The following PCDH18 variants were observed in gnomAD, a reference collection of about 807,000 sequenced individuals.
The protein encoded by PCDH18 is protocadherin-18.
A neutral mutation model predicts 71.5 loss-of-function variants in PCDH18; 38 were observed. The ratio of observed to expected loss-of-function variants is 0.53; its 90% confidence interval spans 0.41 to 0.70. The LOEUF is 0.70. Among genes scored for constraint, PCDH18 ranks in the 30% least tolerant of loss-of-function variants. The probability of loss-of-function intolerance (pLI) is 0.00; values close to 1 mark genes in which losing one functional copy is unlikely to be tolerated. For missense variants in PCDH18, 1,334 were observed against 1,384.6 expected (o/e 0.96, Z 0.58); for synonymous variants, 565 against 505.4 (o/e 1.12, Z -1.58).
Position 137,529,843 on chromosome 4 carries a change from CT to C in PCDH18, c.2245del (p.Arg749GlyfsTer17), listed in dbSNP as rs34760653. ...AESTYQHHPK[R>X]PSRQIHKGDI... ...CCCTTTGTGAATCTGCCGGGATGGC[CT>C]TTTTGGGTGGTGCTGGTAAGTTGAT... On this transcript the variant is annotated frameshift_variant, in exon 1 of 4. Coordinates refer to ENST00000344876, the MANE Select transcript of PCDH18 (RefSeq NM_019035.5). LOFTEE classifies it high-confidence loss of function. The C allele has an allele frequency of 6.2e-7, 1 of 1,611,706 alleles. No homozygotes were observed. Among genetic ancestry groups the C allele is most frequent in the Non-Finnish European group, 8.5e-7 (1 of 1,178,410 alleles).
At chr4:137,522,628 GAATGCAGAA>G (rs1731334078) in intron 3 of PCDH18, among the ~76,000 whole-genome samples, 1 of 152,166 alleles carries the variant, frequency 6.6e-6, no homozygotes, top group African/African-American at 2.4e-5. Context: ...GCAAAGAGCA[GAATGCAGAA>G]AATGCAAAAT....
In PCDH18 at chr4:137,531,815, T is replaced by C. The variant is rs1272155583; in HGVS notation, c.274A>G (p.Ile92Val). 7 of 1,614,062 alleles carry C rather than the reference T, an allele frequency of 4.3e-6. No individual in the cohort carries two copies. The highest frequency in any genetic ancestry group is 5.9e-6 in the Non-Finnish European group (7 of 1,180,026). ...TTCTGGCACAGTTGTTCACGGTCAATTGTAGCCCCTATGCTGATTTCCCCA... is the reference window on the plus strand; with the variant it reads ...TTCTGGCACAGTTGTTCACGGTCAACTGTAGCCCCTATGCTGATTTCCCCA... ...DNGEISIGAT[I>V]DREQLCQKNL... The change falls in exon 1 of 4, where the codon ATT becomes GTT. Residue 92 changes from isoleucine to valine, a missense_variant. Physicochemically the swap from Ile to Val is conservative, Grantham distance 29 (BLOSUM62 3). Transcript: ENST00000344876.
rs115037228 is a variant in PCDH18, at chr4:137,525,287, C to A, written c.2740+3191G>T. Among the ~76,000 whole-genome samples the A allele has an allele frequency of 2.8e-3, 421 of 152,182 alleles. 1 individual carries two copies. The highest frequency in any genetic ancestry group is 8.5e-3 in the East Asian group (44 of 5,162). ...TGTGGGAATTAATAGCATGAATGAC[C>A]AGAAATGACCCTGTTGGCAGGCAAT... On this transcript the variant is annotated intron_variant, in intron 3 of 3. Coordinates refer to ENST00000344876, the MANE Select transcript of PCDH18 (RefSeq NM_019035.5).
rs1731230645 is a variant in PCDH18, at chr4:137,519,537, A to G, written c.*1492T>C. 6.6e-6 allele frequency: 1 copy of G among 152,104 alleles called. No individual in the cohort carries two copies. Among genetic ancestry groups the G allele is most frequent in the African/African-American group, 2.4e-5 (1 of 41,414 alleles). The allele number at this position is 152,104 out of a possible 1,614,324, so 9.4% of individuals were successfully genotyped here. On this transcript the variant is annotated 3_prime_UTR_variant, in exon 4 of 4. Coordinates refer to ENST00000344876, the MANE Select transcript of PCDH18 (RefSeq NM_019035.5). ...CATTCCCATTACAAGTCTCAAACTCATTCCTTTTCCATTGTGTTTTTCTTG... is the reference window on the plus strand; with the variant it reads ...CATTCCCATTACAAGTCTCAAACTCGTTCCTTTTCCATTGTGTTTTTCTTG...
In PCDH18 at chr4:137,528,831, A is replaced by T; in HGVS notation, c.2488-11T>A. On this transcript the variant is annotated splice_polypyrimidine_tract_variant and intron_variant, in intron 1 of 3. Coordinates refer to ENST00000344876, the MANE Select transcript of PCDH18 (RefSeq NM_019035.5). ...AAGCTGAGAGACCTGCTGGAAACCA[A>T]ATAGACAGAACTGATTCCCGGAAAC... 1 of 1,588,450 alleles carries T rather than the reference A, an allele frequency of 6.3e-7. No homozygotes were observed. Among genetic ancestry groups the T allele is most frequent in the Non-Finnish European group, 8.6e-7 (1 of 1,157,016 alleles).
Position 137,531,771 on chromosome 4 carries a change from T to G in PCDH18, c.318A>C (p.Ile106=), listed in dbSNP as rs1355259690. 6.2e-7 allele frequency: 1 copy of G among 1,614,030 alleles called. No homozygotes were observed. The highest frequency in any genetic ancestry group is 2.2e-5 in the East Asian group (1 of 44,886). Residue 106 remains isoleucine (I), a synonymous_variant, in exon 1 of 4, where the codon ATA becomes ATC. Coordinates refer to ENST00000344876, the MANE Select transcript of PCDH18 (RefSeq NM_019035.5). Reference sequence around the variant, plus strand: ...TGGGTAGAGTGATCACATCAAACTCTATGGAACAGTTCAAGTTTTTCTGGC... The same window carrying G: ...TGGGTAGAGTGATCACATCAAACTCGATGGAACAGTTCAAGTTTTTCTGGC... ...QLCQKNLNCS[I]EFDVITLPTE... is the part of the protein sequence containing the mutation.
At chr4:137,526,912 T>G (rs1209271583) in intron 3 of PCDH18, among the ~76,000 whole-genome samples, 1 of 150,336 alleles carries the variant, frequency 6.7e-6, no homozygotes, top group Non-Finnish European at 1.5e-5. Flanking sequence ...AACTGCCTGA[T>G]TTGAGATGCA....
At position 137,530,907 on chromosome 4, in the gene PCDH18, T is replaced by G. The variant is rs1731663325; in HGVS notation, c.1182A>C (p.Glu394Asp). The G allele has an allele frequency of 6.2e-7, 1 of 1,613,172 alleles. No homozygotes were observed. Among genetic ancestry groups the G allele is most frequent in the Middle Eastern group, 1.7e-4 (1 of 6,046 alleles). ...CATGTCCATGAAGCTTACAAACTAT[T>G]TCTCCATTCAGCCCAGAATCCTTGT... ...VQDKDSGLNGEIVCKLHGHGH... is the reference protein window; with the variant it reads ...VQDKDSGLNGDIVCKLHGHGH... Residue 394 changes from glutamate to aspartate, a missense_variant, in exon 1 of 4, where the codon GAA becomes GAC. This residue lies in a region of PCDH18 where 1,011 missense variants were observed against 1,048.0 expected (regional missense o/e 0.96). Transcript: ENST00000344876.
At position 137,528,529 on chromosome 4, in the gene PCDH18, A is replaced by G. The variant is rs10018837; in HGVS notation, c.2689T>C (p.Leu897=). 716,914 of 1,612,408 alleles carry G rather than the reference A, an allele frequency of 0.44. 166,133 individuals carry two copies. Among genetic ancestry groups the G allele is most frequent in the African/African-American group, 0.83 (61,790 of 74,888 alleles). ...AACAGGTCGCTGAATCCTTCACCCA[A>G]CAGCCTATCTATTGGAGAATCTCGC... ...LGRDSPIDRL[L]GEGFSDLFLT... is the part of the protein sequence containing the mutation. Residue 897 remains leucine, a synonymous_variant, in exon 3 of 4, where the codon TTG becomes CTG. Coordinates refer to ENST00000344876, the MANE Select transcript of PCDH18 (RefSeq NM_019035.5).
At position 137,530,213 on chromosome 4, in the gene PCDH18, C is replaced by T. The variant is rs764860959; in HGVS notation, c.1876G>A (p.Glu626Lys). 5.0e-6 allele frequency: 8 copies of T among 1,613,870 alleles called. No individual in the cohort carries two copies. The Admixed American group carries it at 1.3e-4, about 27-fold the overall frequency. Reference sequence around the variant, plus strand: ...CGTGGATCAATTATGAAGATATTCTCCTCATTACCTGCTACTATGGCGCAG... The same window carrying T: ...CGTGGATCAATTATGAAGATATTCTTCTCATTACCTGCTACTATGGCGCAG... ...LSCAIVAGNE[E>K]NIFIIDPRSC... The change falls in exon 1 of 4, where the codon GAG (glutamate) becomes AAG (lysine). Residue 626 changes from glutamate (E) to lysine (K), a missense_variant. By Grantham distance (56) the Glu-to-Lys change is moderately conservative. Around this residue, in one of 3 missense-constraint regions of PCDH18, gnomAD observed 1,011 missense variants for 1,048.0 expected, o/e 0.96. Coordinates refer to ENST00000344876, the MANE Select transcript of PCDH18 (RefSeq NM_019035.5).
At position 137,521,233 on chromosome 4, in the gene PCDH18, G is replaced by T; in HGVS notation, c.3204C>A (p.Asn1068Lys). The change falls in exon 4 of 4, where the codon AAC becomes AAA. Residue 1068 changes from asparagine to lysine, a missense_variant. By Grantham distance (94) the Asn-to-Lys change is moderately conservative (BLOSUM62 0). Transcript: ENST00000344876. ...ASTHFQNPTT[N>K]CGPPLGTHSS... ...AGTGAGTTCCAAGTGGCGGCCCACA[G>T]TTGGTGGTGGGATTTTGAAAATGCG... 6.2e-7 allele frequency: 1 copy of T among 1,613,854 alleles called. No individual in the cohort carries two copies. Among genetic ancestry groups the T allele is most frequent in the Admixed American group, 1.7e-5 (1 of 60,024 alleles).
At position 137,531,642 on chromosome 4, in the gene PCDH18, A is replaced by AGAT; in HGVS notation, c.446_447insATC (p.Glu148_Ser149insArg). 4 of 1,613,902 alleles carry AGAT rather than the reference A, an allele frequency of 2.5e-6. No individual in the cohort carries two copies. Among genetic ancestry groups the AGAT allele is most frequent in the Non-Finnish European group, 3.4e-6 (4 of 1,179,822 alleles). ...GGGGAATGCGAGTCCCAACTGCTGC[A>AGAT]CTCTCAGATATCTCAATAGGTATGA... is the stretch of plus-strand genomic sequence containing the variant. On this transcript the variant is annotated inframe_insertion, in exon 1 of 4. Transcript: ENST00000344876.
rs767645848 is a variant in PCDH18, at chr4:137,529,799, T to G, written c.2290A>C (p.Thr764Pro). ...IHKGDITLVP[T>P]INGTLPIRSH... The stretch of plus-strand genomic sequence containing the variant: ...CTGATGGGCAGAGTGCCATTTATGG[T>G]AGGCACCAATGTGATGTCCCCTTTG... The change falls in exon 1 of 4, where the codon ACC becomes CCC. Residue 764 changes from threonine to proline, a missense_variant. Physicochemically the swap from Thr to Pro is conservative, Grantham distance 38. Around this residue, in one of 3 missense-constraint regions of PCDH18, gnomAD observed 1,011 missense variants for 1,048.0 expected, o/e 0.96. Transcript: ENST00000344876. 6.2e-7 allele frequency: 1 copy of G among 1,612,992 alleles called. No individual in the cohort carries two copies. Among genetic ancestry groups the G allele is most frequent in the Non-Finnish European group, 8.5e-7 (1 of 1,179,298 alleles).
intron 1 of PCDH18, 71 bp from the exon 2 acceptor site, chr4:137,528,891 A>ACTGTTTTTCTTGCTT: frequency 9.7e-7 from 1 of 1,035,654 alleles, no homozygotes; most frequent in Non-Finnish European, 1.5e-6. Context: ...TAAGCAAGAA[A>ACTGTTTTTCTTGCTT]AACAGTTGCT....
chr4:137,521,145 C>T lies in PCDH18; in HGVS notation c.3292G>A (p.Glu1098Lys), dbSNP rs775107920. ...TTGAGCACATTGTCAAAATCATCTT[C>T]CTCATAATTTTCAGGGATCTCCTCC... is the stretch of plus-strand genomic sequence containing the variant. Reference protein sequence around the residue: ...AMEEIPENYEEDDFDNVLNHL... With the variant: ...AMEEIPENYEKDDFDNVLNHL... Residue 1098 changes from glutamate (E) to lysine (K), a missense_variant, in exon 4 of 4, where the codon GAA becomes AAA. Transcript: ENST00000344876. The T allele has an allele frequency of 3.1e-6, 5 of 1,613,994 alleles. No homozygotes were observed. Among genetic ancestry groups the T allele is most frequent in the Non-Finnish European group, 4.2e-6 (5 of 1,179,852 alleles).
rs999200117 is a variant in PCDH18 at position 137,531,682 on chromosome 4, T to C, written c.407A>G (p.Gln136Arg). The C allele has an allele frequency of 6.2e-7, 1 of 1,614,030 alleles. No homozygotes were observed. Among genetic ancestry groups the C allele is most frequent in the African/African-American group, 1.3e-5 (1 of 74,928 alleles). Reference sequence around the variant, plus strand: ...AATAGGTATGAGAGATCTTGAAAACTGGGGAGAATTGTCATTAATATCCAG... The same window carrying C: ...AATAGGTATGAGAGATCTTGAAAACCGGGGAGAATTGTCATTAATATCCAG... ...EVLDINDNSP[Q>R]FSRSLIPIEI... Residue 136 changes from glutamine (Q) to arginine (R), a missense_variant, in exon 1 of 4, where the codon CAG becomes CGG. Coordinates refer to ENST00000344876, the MANE Select transcript of PCDH18 (RefSeq NM_019035.5).
chr4:137,528,861 C>G, intron 1 of PCDH18, 41 bp from the exon 2 acceptor site: 1 of 1,295,276 alleles, frequency 7.7e-7, no homozygotes, highest in South Asian at 1.2e-5. Flanking sequence ...GGAAACAAGC[C>G]TCCAAACACT....
chr4:137,528,423 TTA>T, intron 3 of PCDH18, 53 bp downstream of exon 3: 1 of 1,431,648 alleles, frequency 7.0e-7, no homozygotes, highest in Admixed American at 2.0e-5. Flanking sequence ...ATTTTTCATT[TTA>T]CTGGTGTCAC....
Position 137,521,659 on chromosome 4 carries a change from T to C in PCDH18, c.2778A>G (p.Gly926=), listed in dbSNP as rs1349982923. 2.5e-6 allele frequency: 4 copies of C among 1,610,792 alleles called. No individual in the cohort carries two copies. Among genetic ancestry groups the C allele is most frequent in the Non-Finnish European group, 2.5e-6 (3 of 1,179,878 alleles). ...RLCTEECRVL[G]HSDQCWMPPL... ...GTGGCATCCAGCACTGGTCAGAGTG[T>C]CCCAGGACCCTGCACTCCTCCGTGC... Residue 926 remains glycine, a synonymous_variant, in exon 4 of 4, where the codon GGA becomes GGG. Coordinates refer to ENST00000344876, the MANE Select transcript of PCDH18 (RefSeq NM_019035.5).
Sources: allele counts gnomAD v4.1 joint callset (sites outside exome capture counted in the v4.1 genomes callset), GRCh38; gene constraint gnomAD v4.1.1; regional missense constraint gnomAD v4.1.1; transcripts MANE v1.5; gene names NCBI Gene and HGNC (gene_info 2026-07-23, HGNC 2026-07-21).